CUL2: variants seen among roughly 807,000 people sequenced by gnomAD.
CUL2 encodes cullin-2.
A neutral mutation model predicts 110.2 loss-of-function variants in CUL2; 22 were observed. The ratio of observed to expected loss-of-function variants is 0.20; its 90% CI spans 0.14 to 0.28. CUL2 has a LOEUF of 0.28. Among genes scored for constraint, CUL2 ranks in the 10% least tolerant of loss-of-function variants. The pLI is 1.00. For synonymous variants in CUL2, 279 were observed against 293.2 expected, an observed-to-expected ratio of 0.95 and a Z score of 0.49; for missense variants, 631 against 905.5, an observed-to-expected ratio of 0.70 and a Z score of 3.89.
intron 1 of CUL2, among the ~76,000 whole-genome samples, chr10:35,113,683 T>C (rs888694528): frequency 2.0e-5 from 3 of 151,114 alleles, no homozygotes; most frequent in African/African-American, 7.3e-5. Flanking sequence ...AAATAATAGA[T>C]ATGATGAATC....
rs140068931 is a variant in CUL2, at chr10:35,101,285, T to C, written c.-50-225A>G. ...TGATGCCGCTGGCAATAGTGGCTTA[T>C]AATTGTGGGACAGCTCAAAACTACA... On this transcript the variant is annotated intron_variant, in intron 1 of 5. Coordinates refer to the CUL2 transcript ENST00000685421. Among the ~76,000 whole-genome samples, 383 of 152,332 alleles carry C rather than the reference T, an allele frequency of 2.5e-3. 3 individuals carry two copies. The highest frequency in any genetic ancestry group is 8.9e-3 in the African/African-American group (371 of 41,574).
chr10:35,119,578 T>TTATTTATG (rs1414125973), intron 1 of CUL2, among the ~76,000 whole-genome samples: 4 of 149,274 alleles, frequency 2.7e-5, no homozygotes, highest in Non-Finnish European at 5.9e-5. Context: ...ATTTATTTAT[T>TTATTTATG]TATTTATTTA....
At chr10:35,065,644 TAA>T (rs1434263224) in intron 2 of CUL2, among the ~76,000 whole-genome samples, 1 of 148,682 alleles carries the variant, frequency 6.7e-6, no homozygotes, top group Non-Finnish European at 1.5e-5. Context: ...AATAAAAATT[TAA>T]AAAAAGAGAT....
At chr10:35,011,359 T>C (rs1488866604) in intron 20 of CUL2, among the ~76,000 whole-genome samples, 1 of 151,926 alleles carries the variant, frequency 6.6e-6, no homozygotes, top group Non-Finnish European at 1.5e-5. Flanking sequence ...GGCTCACACC[T>C]GTAACCCCAG....
At chr10:35,036,413 T>C (rs916380574) in intron 9 of CUL2, among the ~76,000 whole-genome samples, 1 of 152,192 alleles carries the variant, frequency 6.6e-6, no homozygotes, top group African/African-American at 2.4e-5. Flanking sequence ...GTATGTCTTT[T>C]TGTATATATG....
chr10:35,051,631 A>G (rs2384287), intron 5 of CUL2, among the ~76,000 whole-genome samples: 50,670 of 152,002 alleles, frequency 0.33, 8,494 homozygotes, highest in South Asian at 0.35. Context: ...CAACAACAAC[A>G]AAAAATAGTG....
At chr10:35,075,196 C>T (rs577693909) in intron 1 of CUL2, among the ~76,000 whole-genome samples, 8 of 152,220 alleles carry the variant, frequency 5.3e-5, no homozygotes, top group South Asian at 4.1e-4. Context: ...GCACCAGCCT[C>T]GTGAAACACA....
intron 1 of CUL2, among the ~76,000 whole-genome samples, chr10:35,105,127 T>TA (rs540525151): frequency 6.6e-6 from 1 of 151,456 alleles, no homozygotes; most frequent in African/African-American, 2.4e-5. Flanking sequence ...ATTTAGGTTT[T>TA]AAAAAACTAA....
chr10:35,079,470 CAGTATGTTGCCATCAA>C (rs2086896600), intron 1 of CUL2: 1 of 152,626 alleles, frequency 6.6e-6, no homozygotes, highest in Non-Finnish European at 1.5e-5. Context: ...CTTTCTGGCA[CAGTATGTTGCCATCAA>C]GTGGAACTTG....
chr10:35,020,309 A>G (rs1299288371), intron 17 of CUL2, among the ~76,000 whole-genome samples: 1 of 152,348 alleles, frequency 6.6e-6, no homozygotes, highest in East Asian at 1.9e-4. Context: ...ACCAAATACA[A>G]TTAGTGACCT....
At chr10:35,047,316 T>C (rs148002055) in intron 6 of CUL2, among the ~76,000 whole-genome samples, 3 of 152,144 alleles carry the variant, frequency 2.0e-5, no homozygotes, top group Admixed American at 1.3e-4. Flanking sequence ...AATAATTTGG[T>C]TAAAGATTTC....
At chr10:35,018,739 G>C (rs531466829) in intron 17 of CUL2, among the ~76,000 whole-genome samples, 1 of 137,634 alleles carries the variant, frequency 7.3e-6, no homozygotes, top group South Asian at 2.3e-4. Context: ...CTCCAGCCTG[G>C]GTAACAAGAG....
intron 1 of CUL2, among the ~76,000 whole-genome samples, chr10:35,077,712 GA>G (rs2086854322): frequency 2.0e-5 from 3 of 151,386 alleles, no homozygotes; most frequent in African/African-American, 7.3e-5. Context: ...AGCTACTCAG[GA>G]GGCTGAGGCA....
At chr10:35,079,728 T>C (rs905309036) in intron 1 of CUL2, 3 of 154,814 alleles carry the variant, frequency 1.9e-5, no homozygotes, top group Non-Finnish European at 4.4e-5. Context: ...TCTTTCCTCA[T>C]TGAGAACTTT....
At chr10:35,102,053 A>AAC (rs1397125471) in intron 1 of CUL2, among the ~76,000 whole-genome samples, 6 of 152,174 alleles carry the variant, frequency 3.9e-5, no homozygotes, top group Middle Eastern at 3.5e-3. Context: ...CAGCCTGGCC[A>AAC]ATAAGGTGAA....
upstream of CUL2, among the ~76,000 whole-genome samples, chr10:35,093,474 T>C (rs1219727353): frequency 2.0e-5 from 3 of 151,328 alleles, no homozygotes; most frequent in Non-Finnish European, 2.9e-5. Context: ...GCCTGGACAA[T>C]ATAGCAAAAC....
chr10:35,049,311 C>T (rs1389070824), intron 6 of CUL2, among the ~76,000 whole-genome samples: 2 of 152,132 alleles, frequency 1.3e-5, no homozygotes, highest in Non-Finnish European at 2.9e-5. Context: ...ATGTCTTCCT[C>T]AATAGGTGGT....
chr10:35,107,447 A>T (rs564407273), intron 1 of CUL2, among the ~76,000 whole-genome samples: 1 of 152,192 alleles, frequency 6.6e-6, no homozygotes, highest in African/African-American at 2.4e-5. Flanking sequence ...CAAAAAGATA[A>T]ATGCCTAAGT....
intron 1 of CUL2, among the ~76,000 whole-genome samples, chr10:35,072,016 C>T (rs977275507): frequency 6.6e-6 from 1 of 152,064 alleles, no homozygotes; most frequent in African/African-American, 2.4e-5. Flanking sequence ...GACATTCAAC[C>T]GAAAGGTTTT....
Sources: gnomAD v4.1 joint callset for allele counts (sites outside exome capture counted in the v4.1 genomes callset) on GRCh38, gnomAD v4.1.1 for gene constraint, MANE v1.5 for transcripts, NCBI Gene and HGNC (gene_info 2026-07-23, HGNC 2026-07-21) for gene names.